Variants in SMG5 observed in about 807,000 individuals in gnomAD.
The protein encoded by SMG5 is SMG5 nonsense mediated mRNA decay factor.
SMG5 carries 53 observed loss-of-function variants against 122.9 expected under a neutral mutation model. That is an observed-to-expected ratio of 0.43 (90% CI 0.35 to 0.54). The LOEUF (loss-of-function observed/expected upper bound fraction) is 0.54, where lower values mean the gene tolerates loss of function less well. SMG5 is among the 20% of genes least tolerant of loss of function. The pLI is 0.01. For synonymous variants in SMG5, 477 were observed against 490.2 expected (o/e 0.97, Z 0.35); for missense variants, 1,153 against 1,285.6 (o/e 0.90, Z 1.58).
intron 1 of SMG5, among the ~76,000 whole-genome samples, chr1:156,281,102 T>C (rs1233687082): frequency 6.6e-6 from 1 of 152,204 alleles, no homozygotes; most frequent in Non-Finnish European, 1.5e-5. Flanking sequence ...ACTTTCCTCC[T>C]AGTTCCTTCC....
At chr1:156,259,188 C>T (rs375703385) in intron 15 of SMG5, 25 bp from the exon 16 acceptor site, 14 of 1,539,428 alleles carry the variant, frequency 9.1e-6, no homozygotes, top group African/African-American at 1.4e-5. Flanking sequence ...AGGAGCCCAG[C>T]GCTGCTGAGC....
chr1:156,269,487 A>G (rs1457310468), intron 7 of SMG5, among the ~76,000 whole-genome samples: 1 of 152,050 alleles, frequency 6.6e-6, no homozygotes, highest in Admixed American at 6.6e-5. Context: ...CTGTAAACCC[A>G]GCACTTTGGG....
intron 12 of SMG5, among the ~76,000 whole-genome samples, 167 bp downstream of exon 12, chr1:156,265,614 G>A (rs891384066): frequency 6.6e-6 from 1 of 152,238 alleles, no homozygotes; most frequent in African/African-American, 2.4e-5. Flanking sequence ...AAGTGAGCAG[G>A]AGGGTGGACC....
intron 16 of SMG5, among the ~76,000 whole-genome samples, chr1:156,253,948 C>G (rs925909035): frequency 6.6e-6 from 1 of 152,126 alleles, no homozygotes; most frequent in South Asian, 2.1e-4. Context: ...AGCTCCAGAC[C>G]CACACATACA....
rs535044233 is a variant in SMG5 at position 156,250,657 on chromosome 1, G to A, written c.2981C>T (p.Ala994Val). 23 of 1,614,112 alleles carry A rather than the reference G, an allele frequency of 1.4e-5. No homozygotes were observed. The East Asian group carries it at 3.1e-4, about 22-fold the overall frequency. Residue 994 changes from alanine to valine, a missense_variant, in exon 22 of 22, where the codon GCC becomes GTC. This residue lies in a region of SMG5 where 84 missense variants were observed against 82.3 expected (regional missense o/e 1.02). Transcript: ENST00000361813. ...LSGPMQAALQ[A>V]AAHASVDIKN... ...GATGTCCACACTGGCGTGGGCAGCG[G>A]CCTGCAGGGCTGCCTGTGGAATGGG...
rs1396951696 is a variant in SMG5, at chr1:156,282,651, G to C, written c.30C>G (p.Ser10Arg). Reference sequence around the variant, plus strand: ...GGAGGACTTTTGCTTCGGGCTCGCTGCTCTCCCCTGTGGGGGGGCCTTGGC... The same window carrying C: ...GGAGGACTTTTGCTTCGGGCTCGCTCCTCTCCCCTGTGGGGGGGCCTTGGC... MSQGPPTGE[S>R]SEPEAKVLHT... is the part of the protein sequence containing the mutation. Residue 10 changes from serine to arginine, a missense_variant, in exon 1 of 22, where the codon AGC becomes AGG. This residue lies in a region of SMG5 where 213 missense variants were observed against 197.5 expected (regional missense o/e 1.08). Coordinates refer to ENST00000361813, the MANE Select transcript of SMG5 (RefSeq NM_015327.3). 3 of 1,607,548 alleles carry C rather than the reference G, an allele frequency of 1.9e-6. No individual in the cohort carries two copies. Among genetic ancestry groups the C allele is most frequent in the Middle Eastern group, 1.7e-4 (1 of 6,060 alleles).
At chr1:156,285,643 G>A (rs1663128627), upstream of SMG5, 10 of 1,613,894 alleles carry the variant, frequency 6.2e-6, no homozygotes, top group Non-Finnish European at 7.6e-6. Context: ...GCATTGAGCG[G>A]CAGCCCCAAG....
At chr1:156,285,679 A>G (rs140445561), upstream of SMG5, 335 of 1,613,786 alleles carry the variant, frequency 2.1e-4, 2 homozygotes, top group African/African-American at 2.0e-3. Flanking sequence ...GCTGTGAGGC[A>G]GGCGAGGGCG....
intron 13 of SMG5, among the ~76,000 whole-genome samples, chr1:156,261,839 G>A (rs1661852503): frequency 6.8e-6 from 1 of 146,486 alleles, no homozygotes; most frequent in Non-Finnish European, 1.5e-5. Flanking sequence ...GCAGTGAGCT[G>A]AGACTGTGCC....
chr1:156,263,416 G>A lies in SMG5; in HGVS notation c.2010C>T (p.Asp670=). ...ACACCTGCGCACACACGATGATGAG[G>A]TCGGGGTTGGTCCGAAGCCAGTCCA... ...VFLDWLRTNP[D]LIIVCAQSSQ... Residue 670 remains aspartate (D), a synonymous_variant, in exon 13 of 22, where the codon GAC becomes GAT. Transcript: ENST00000361813. 6.2e-7 allele frequency: 1 copy of A among 1,614,096 alleles called. No homozygotes were observed. Among genetic ancestry groups the A allele is most frequent in the Non-Finnish European group, 8.5e-7 (1 of 1,179,984 alleles).
At chr1:156,289,988 G>A in the SMG5 span, 1 of 152,184 alleles carries the variant, frequency 6.6e-6, no homozygotes, top group African/African-American at 2.4e-5. Flanking sequence ...TCATGGCTTT[G>A]CTATTTCCCA....
At chr1:156,274,203 A>G (rs1473545275) in intron 5 of SMG5, among the ~76,000 whole-genome samples, 1 of 152,224 alleles carries the variant, frequency 6.6e-6, no homozygotes, top group Non-Finnish European at 1.5e-5. Flanking sequence ...CCTTAGAAAC[A>G]TCTGTTAGGA....
At chr1:156,270,657 T>C (rs946961303) in intron 7 of SMG5, among the ~76,000 whole-genome samples, 1 of 152,182 alleles carries the variant, frequency 6.6e-6, no homozygotes, top group Non-Finnish European at 1.5e-5. Flanking sequence ...CTTATGAGTA[T>C]GATGAGGGAC....
chr1:156,254,416 T>TG (rs1661485978), intron 16 of SMG5, among the ~76,000 whole-genome samples: 1 of 152,196 alleles, frequency 6.6e-6, no homozygotes, highest in Non-Finnish European at 1.5e-5. Context: ...CTGTAAGATA[T>TG]GGGGAGCCAC....
chr1:156,251,451 C>A lies in SMG5; in HGVS notation c.2780G>T (p.Gly927Val), dbSNP rs543947240. ...CAGCTTATGCCGCTCAAAGCTCTTT[C>A]CCACCTCTTTCTGGCAGCGAATGTA... ...NRYIRCQKEV[G>V]KSFERHKLKR... Residue 927 changes from glycine (G) to valine (V), a missense_variant, in exon 20 of 22, where the codon GGA (glycine) becomes GTA (valine). Physicochemically the swap from Gly to Val is moderately radical, Grantham distance 109. This residue lies in a region of SMG5 where 140 missense variants were observed against 227.8 expected (regional missense o/e 0.61). Transcript: ENST00000361813. 6.2e-7 allele frequency: 1 copy of A among 1,614,038 alleles called. No individual in the cohort carries two copies. Among genetic ancestry groups the A allele is most frequent in the Non-Finnish European group, 8.5e-7 (1 of 1,180,042 alleles).
At chr1:156,251,096 G>C in intron 20 of SMG5, 100 bp from the exon 21 acceptor site, 1 of 1,499,434 alleles carries the variant, frequency 6.7e-7, no homozygotes, top group Admixed American at 1.8e-5. Flanking sequence ...GGGGCTGGGA[G>C]GGCAGTGAGC....
chr1:156,263,822 A>G (rs966369646), intron 12 of SMG5, among the ~76,000 whole-genome samples: 1 of 152,210 alleles, frequency 6.6e-6, no homozygotes, highest in Non-Finnish European at 1.5e-5. Flanking sequence ...CCTTTTAAAT[A>G]TGATTCTTAT....
At chr1:156,277,650 T>A (rs1370225263) in intron 3 of SMG5, among the ~76,000 whole-genome samples, 2 of 151,974 alleles carry the variant, frequency 1.3e-5, no homozygotes, top group Non-Finnish European at 2.9e-5. Flanking sequence ...GTAGCTGGGA[T>A]TACAGGCATG....
chr1:156,285,103 T>C, upstream of SMG5: 3 of 1,280,716 alleles, frequency 2.3e-6, no homozygotes, highest in South Asian at 1.8e-5. Context: ...CCAGTTGCCC[T>C]GGAGAGTATG....
Sources: gnomAD v4.1 joint callset for allele counts (sites outside exome capture counted in the v4.1 genomes callset) on GRCh38, gnomAD v4.1.1 for gene constraint, gnomAD v4.1.1 regional missense constraint, MANE v1.5 for transcripts, NCBI Gene and HGNC (gene_info 2026-07-23, HGNC 2026-07-21) for gene names.